The following DCP1B variants were observed in gnomAD, a reference collection of about 807,000 sequenced individuals.
DCP1B encodes mRNA-decapping enzyme 1B.
In DCP1B, 47 loss-of-function variants were observed where a neutral mutation model predicts 60.5. The ratio of observed to expected loss-of-function variants is 0.78; its 90% CI spans 0.61 to 0.99. DCP1B has a LOEUF of 0.99. Ranked by LOEUF, DCP1B falls within the 50% of genes least tolerant of loss-of-function variation. The pLI is 0.00. For synonymous variants in DCP1B, 267 were observed against 280.3 expected, an observed-to-expected ratio of 0.95 and a Z score of 0.47; for missense variants, 725 against 756.8, an observed-to-expected ratio of 0.96 and a Z score of 0.49.
chr12:1,947,975 C>A (rs1365626910), intron 8 of DCP1B, among the ~76,000 whole-genome samples: 1 of 152,096 alleles, frequency 6.6e-6, no homozygotes, highest in Non-Finnish European at 1.5e-5. Context: ...CAACATGGAA[C>A]CTTTTTAAAA....
At chr12:1,998,468 C>T (rs912410410) in intron 1 of DCP1B, among the ~76,000 whole-genome samples, 1 of 152,174 alleles carries the variant, frequency 6.6e-6, no homozygotes, top group East Asian at 1.9e-4. Flanking sequence ...ACTTTGACTG[C>T]TAGACAGAGA....
In DCP1B at chr12:1,971,752, C is replaced by T. The variant is rs936515048; in HGVS notation, c.320-3842G>A. ...TTCTTATTAGCATGGTGCATTAGTTCATTTTGCATGTTCTTTGGGGATTTG... is the reference window on the plus strand; with the variant it reads ...TTCTTATTAGCATGGTGCATTAGTTTATTTTGCATGTTCTTTGGGGATTTG... On this transcript the variant is annotated intron_variant, in intron 3 of 8. Transcript: ENST00000280665. The surrounding 1 kb of genome is among the most constrained non-coding windows in gnomAD (Gnocchi z 4.2). Among the ~76,000 whole-genome samples, 2 of 152,182 alleles carry T rather than the reference C, an allele frequency of 1.3e-5. No individual in the cohort carries two copies. The highest frequency in any genetic ancestry group is 2.9e-5 in the Non-Finnish European group (2 of 68,028).
At chr12:1,989,350 C>T (rs2038743983) in intron 3 of DCP1B, among the ~76,000 whole-genome samples, 1 of 151,176 alleles carries the variant, frequency 6.6e-6, no homozygotes, top group African/African-American at 2.4e-5. Flanking sequence ...AAGAGCAGAG[C>T]AGGAGCAGGA....
chr12:1,957,402 TA>T (rs1281514644), intron 5 of DCP1B, among the ~76,000 whole-genome samples: 1 of 152,172 alleles, frequency 6.6e-6, no homozygotes, highest in African/African-American at 2.4e-5. Context: ...CAAAATACAA[TA>T]AAAGTATAAA....
chr12:1,984,051 GTTTTC>G (rs1051141616), intron 3 of DCP1B, among the ~76,000 whole-genome samples: 1 of 151,862 alleles, frequency 6.6e-6, no homozygotes, highest in East Asian at 1.9e-4. Flanking sequence ...AGACACCCCA[GTTTTC>G]TTTTCATTAG....
At chr12:1,954,857 CTTGT>C (rs971691230) in intron 6 of DCP1B, among the ~76,000 whole-genome samples, 10 of 152,222 alleles carry the variant, frequency 6.6e-5, no homozygotes, top group South Asian at 4.2e-4. Flanking sequence ...TTCTAGGGTG[CTTGT>C]TTGTTTGTTT....
chr12:1,984,425 T>A (rs1352922227), intron 3 of DCP1B, among the ~76,000 whole-genome samples: 1 of 152,098 alleles, frequency 6.6e-6, no homozygotes, highest in African/African-American at 2.4e-5. Context: ...AATATACATA[T>A]CTAACTTTAC....
intron 8 of DCP1B, among the ~76,000 whole-genome samples, chr12:1,947,318 C>T (rs2030469753): frequency 1.3e-5 from 2 of 152,170 alleles, no homozygotes; most frequent in African/African-American, 4.8e-5. Flanking sequence ...CTCTTGGCAC[C>T]CCACACAGAT....
At position 1,954,190 on chromosome 12, in the gene DCP1B, A is replaced by C. The variant is rs190790589; in HGVS notation, c.652-902T>G. 2.1e-4 allele frequency among the ~76,000 whole-genome samples: 32 copies of C among 152,228 alleles called. No individual in the cohort carries two copies. The East Asian group carries it at 6.2e-3, about 29-fold the overall frequency. ...GGAATGAAATCTGTCTCAAAAAAAA[A>C]AATAAAAGAGGAAAGAAAAAAAACC... On this transcript the variant is annotated intron_variant, in intron 6 of 8. Transcript: ENST00000280665.
chr12:2,003,288 TAA>T (rs764514364), intron 1 of DCP1B, among the ~76,000 whole-genome samples: 29 of 152,352 alleles, frequency 1.9e-4, no homozygotes, highest in Non-Finnish European at 3.8e-4. Context: ...TTTCCTAGAT[TAA>T]GTTTTGATGT....
intron 5 of DCP1B, among the ~76,000 whole-genome samples, chr12:1,957,878 T>G (rs2030943348): frequency 6.6e-6 from 1 of 152,258 alleles, no homozygotes; most frequent in Non-Finnish European, 1.5e-5. Flanking sequence ...TATATACTGA[T>G]AGCTCAACAT....
At chr12:2,000,758 C>G (rs943599535) in intron 1 of DCP1B, among the ~76,000 whole-genome samples, 1 of 152,258 alleles carries the variant, frequency 6.6e-6, no homozygotes, top group African/African-American at 2.4e-5. Context: ...ATAACCAGGC[C>G]GGGCACAGGG....
chr12:1,998,880 T>C (rs931227233), intron 1 of DCP1B, among the ~76,000 whole-genome samples: 1 of 152,224 alleles, frequency 6.6e-6, no homozygotes, highest in Non-Finnish European at 1.5e-5. Flanking sequence ...TTATTATTAA[T>C]ATTCATCACC....
intron 1 of DCP1B, among the ~76,000 whole-genome samples, chr12:2,002,203 G>C (rs6489343): frequency 0.73 from 110,435 of 152,064 alleles, 40,627 homozygotes; most frequent in African/African-American, 0.85. Context: ...CCCTCCTTAA[G>C]ATCCCCCCTG....
chr12:1,961,741 A>AT (rs2031132919), intron 5 of DCP1B, among the ~76,000 whole-genome samples: 1 of 152,220 alleles, frequency 6.6e-6, no homozygotes, highest in Non-Finnish European at 1.5e-5. Flanking sequence ...AAAAAGTGTC[A>AT]TTTTTACTAA....
chr12:2,000,989 G>A (rs1565884559), intron 1 of DCP1B, among the ~76,000 whole-genome samples: 2 of 151,330 alleles, frequency 1.3e-5, no homozygotes, highest in African/African-American at 2.4e-5. Context: ...GTGAGCCATG[G>A]TCACGCCATT....
At chr12:1,992,234 AT>A (rs35440646) in intron 3 of DCP1B, 20,060 of 155,212 alleles carry the variant, frequency 0.13, 1,536 homozygotes, top group Admixed American at 0.19. Context: ...CAATAGCTTT[AT>A]TTTTTTCTCT....
chr12:1,974,544 G>A (rs958255132), intron 3 of DCP1B, among the ~76,000 whole-genome samples: 6 of 152,060 alleles, frequency 3.9e-5, no homozygotes, highest in Non-Finnish European at 7.4e-5. Flanking sequence ...CTACTTGTTA[G>A]GCACTGGCAA....
intron 3 of DCP1B, among the ~76,000 whole-genome samples, chr12:1,984,360 T>A (rs766181296): frequency 2.0e-5 from 3 of 152,120 alleles, no homozygotes; most frequent in Non-Finnish European, 4.4e-5. Flanking sequence ...AGTATTCTAT[T>A]TTATCTCTTG....
Sources: gnomAD v4.1 joint callset for allele counts (sites outside exome capture counted in the v4.1 genomes callset) on GRCh38, gnomAD v4.1.1 for gene constraint, Gnocchi (gnomAD v3.1) non-coding constraint, MANE v1.5 for transcripts, NCBI Gene and HGNC (gene_info 2026-07-23, HGNC 2026-07-21) for gene names.